CNTNAP2: variants seen among roughly 807,000 people sequenced by gnomAD.
The protein encoded by CNTNAP2 is contactin associated protein 2, also known as contactin-associated protein-like 2.
Under a neutral mutation model 155.2 loss-of-function variants are expected in CNTNAP2, and 98 were observed. That is an observed-to-expected ratio of 0.63 (90% CI 0.54 to 0.75). CNTNAP2 has a LOEUF of 0.75. CNTNAP2 is among the 30% of genes least tolerant of loss of function. The pLI is 0.00. For missense variants in CNTNAP2, 1,727 were observed against 1,688.1 expected (o/e 1.02, Z -0.40); for synonymous variants, 651 against 631.2 (o/e 1.03, Z -0.47).
At chr7:147,992,304 G>T (rs1033058069) in intron 15 of CNTNAP2, among the ~76,000 whole-genome samples, 5 of 151,764 alleles carry the variant, frequency 3.3e-5, no homozygotes. Flanking sequence ...TATAGGTGAA[G>T]TTTCACCACA....
chr7:147,300,651 A>G (rs988205953), intron 9 of CNTNAP2, among the ~76,000 whole-genome samples: 1 of 152,162 alleles, frequency 6.6e-6, no homozygotes, highest in Non-Finnish European at 1.5e-5. Flanking sequence ...ACAAACATTT[A>G]TTATCTCGCA....
At chr7:148,113,491 G>T (rs928554910) in intron 15 of CNTNAP2, among the ~76,000 whole-genome samples, 10 of 152,180 alleles carry the variant, frequency 6.6e-5, no homozygotes, top group Non-Finnish European at 1.5e-4. Context: ...ATGAGATTTG[G>T]GTGGGAACAC....
At chr7:147,671,597 A>G (rs1795787472) in intron 13 of CNTNAP2, 2 of 151,980 alleles carry the variant, frequency 1.3e-5, no homozygotes, top group African/African-American at 2.4e-5. Context: ...GATGGAATAC[A>G]GAATGTTCCC....
At chr7:146,188,673 A>T (rs1023956089) in intron 1 of CNTNAP2, among the ~76,000 whole-genome samples, 6 of 152,198 alleles carry the variant, frequency 3.9e-5, no homozygotes, top group Admixed American at 3.3e-4. Context: ...AATTATTCTC[A>T]GCATGAAATT....
intron 3 of CNTNAP2, among the ~76,000 whole-genome samples, chr7:146,969,380 C>T (rs4610649): frequency 6.6e-6 from 1 of 151,700 alleles, no homozygotes; most frequent in Non-Finnish European, 1.5e-5. Flanking sequence ...AACTTTCTGT[C>T]TTGTTGATCT....
At chr7:146,507,141 A>G (rs773200503) in intron 1 of CNTNAP2, among the ~76,000 whole-genome samples, 1 of 152,190 alleles carries the variant, frequency 6.6e-6, no homozygotes, top group South Asian at 2.1e-4. Flanking sequence ...CTCCCCAACT[A>G]TTGGGTAAGT....
chr7:148,049,425 A>G (rs1275351538), intron 15 of CNTNAP2, among the ~76,000 whole-genome samples: 1 of 135,482 alleles, frequency 7.4e-6, no homozygotes, highest in South Asian at 2.3e-4. Flanking sequence ...TCCTGCTAAT[A>G]TATTTCTAAG....
chr7:147,745,022 A>C (rs564145189), intron 13 of CNTNAP2, among the ~76,000 whole-genome samples: 1 of 150,742 alleles, frequency 6.6e-6, no homozygotes, highest in African/African-American at 2.4e-5. Flanking sequence ...CATAACCTAC[A>C]TAAGTTAACA....
chr7:148,142,370 G>A (rs1039919092), intron 16 of CNTNAP2, among the ~76,000 whole-genome samples: 1 of 151,690 alleles, frequency 6.6e-6, no homozygotes, highest in Admixed American at 6.6e-5. Flanking sequence ...ATCTTCTGAT[G>A]TACAGTTAGT....
intron 1 of CNTNAP2, among the ~76,000 whole-genome samples, chr7:146,338,923 C>G (rs962864057): frequency 1.3e-5 from 2 of 152,030 alleles, no homozygotes; most frequent in Non-Finnish European, 2.9e-5. Flanking sequence ...TGGCTCATGC[C>G]TGTAATCCCA....
At chr7:147,163,349 C>T (rs1376302304) in intron 8 of CNTNAP2, among the ~76,000 whole-genome samples, 1 of 152,156 alleles carries the variant, frequency 6.6e-6, no homozygotes. Context: ...AATAACACAG[C>T]ACCAATTACT....
At chr7:148,084,457 A>G (rs1803678528) in intron 15 of CNTNAP2, among the ~76,000 whole-genome samples, 1 of 152,170 alleles carries the variant, frequency 6.6e-6, no homozygotes, top group African/African-American at 2.4e-5. Context: ...CTCTTCTTTT[A>G]TCTTTAGACT....
At chr7:146,721,875 G>GTGTATATATATA (rs1332551916) in intron 1 of CNTNAP2, among the ~76,000 whole-genome samples, 1 of 76,700 alleles carries the variant, frequency 1.3e-5, no homozygotes, top group African/African-American at 1.8e-4. Flanking sequence ...GTGTGTGTGT[G>GTGTATATATATA]TATATATATA....
intron 4 of CNTNAP2, among the ~76,000 whole-genome samples, chr7:147,078,087 T>C (rs547610842): frequency 6.6e-6 from 1 of 152,340 alleles, no homozygotes; most frequent in African/African-American, 2.4e-5. Context: ...TTTTCTCCAA[T>C]GTATGCTGCA....
rs138500358 is a variant in CNTNAP2 at position 147,265,168 on chromosome 7, C to T, written c.1349-34973C>T. Reference sequence around the variant, plus strand: ...TGGGTACCCAGAAGATGGATCACTACTTCTTTATATGCACAAAGATTTTTT... The same window carrying T: ...TGGGTACCCAGAAGATGGATCACTATTTCTTTATATGCACAAAGATTTTTT... On this transcript the variant is annotated intron_variant, in intron 8 of 23. Transcript: ENST00000361727. 2.9e-3 allele frequency among the ~76,000 whole-genome samples: 446 copies of T among 152,304 alleles called. 5 individuals are homozygous for T. Among genetic ancestry groups the T allele is most frequent in the African/African-American group, 0.01 (425 of 41,576 alleles).
intron 1 of CNTNAP2, among the ~76,000 whole-genome samples, chr7:146,458,948 C>G (rs1796596855): frequency 6.6e-6 from 1 of 152,220 alleles, no homozygotes; most frequent in Middle Eastern, 3.4e-3. Flanking sequence ...ATTGGTTTTG[C>G]TTCTCTGGAG....
intron 18 of CNTNAP2, among the ~76,000 whole-genome samples, chr7:148,197,919 C>G (rs1350489190): frequency 6.6e-6 from 1 of 152,218 alleles, no homozygotes; most frequent in Non-Finnish European, 1.5e-5. Context: ...CAGATTAGTT[C>G]TTCAAGTTCC....
chr7:146,659,291 TGG>T (rs1800046147), intron 1 of CNTNAP2, among the ~76,000 whole-genome samples: 1 of 152,156 alleles, frequency 6.6e-6, no homozygotes, highest in Admixed American at 6.5e-5. Context: ...CCAATTTAAA[TGG>T]TCAAGGAAGG....
At chr7:146,636,998 C>G (rs1047656835) in intron 1 of CNTNAP2, among the ~76,000 whole-genome samples, 2 of 152,202 alleles carry the variant, frequency 1.3e-5, no homozygotes, top group Admixed American at 6.5e-5. Flanking sequence ...TTGCGTATCT[C>G]TAAACTTCGC....
Sources: allele counts gnomAD v4.1 joint callset (sites outside exome capture counted in the v4.1 genomes callset), GRCh38; gene constraint gnomAD v4.1.1; transcripts MANE v1.5; gene names NCBI Gene and HGNC (gene_info 2026-07-23, HGNC 2026-07-21).